ACTN2: variants seen among roughly 807,000 people sequenced by gnomAD.
ACTN2 encodes the protein actinin alpha 2.
Under a neutral mutation model 113.8 loss-of-function variants are expected in ACTN2, and 39 were observed. The observed-to-expected ratio is 0.34, with a 90% CI of 0.27 to 0.45. The LOEUF (loss-of-function observed/expected upper bound fraction) is 0.45. Among genes scored for constraint, ACTN2 ranks in the 20% least tolerant of loss-of-function variants. The pLI, the probability that ACTN2 is intolerant of heterozygous loss-of-function variation, is 1.00. For missense variants in ACTN2, 992 were observed against 1,177.9 expected, an observed-to-expected ratio of 0.84 and a Z score of 2.31; for synonymous variants, 429 against 444.1, an observed-to-expected ratio of 0.97 and a Z score of 0.43.
At chr1:236,736,566 A>G in intron 8 of ACTN2, 1 of 1,526,322 alleles carries the variant, frequency 6.6e-7, no homozygotes, top group Non-Finnish European at 8.8e-7. Flanking sequence ...AGGTTAGACA[A>G]AGTCTTAAAG....
chr1:236,748,721 A>G (rs188600441), intron 13 of ACTN2, among the ~76,000 whole-genome samples: 3 of 152,302 alleles, frequency 2.0e-5, no homozygotes, highest in African/African-American at 7.2e-5. Context: ...TTCTCTGCAC[A>G]TGTTGACTCT....
intron 1 of ACTN2, among the ~76,000 whole-genome samples, chr1:236,716,099 CTTT>C (rs74259944): frequency 2.6e-4 from 31 of 118,094 alleles, no homozygotes; most frequent in Middle Eastern, 4.9e-3. Context: ...CCTTCTTCTT[CTTT>C]TTTTTTTTTT....
At chr1:236,716,426 G>A (rs952181029) in intron 1 of ACTN2, among the ~76,000 whole-genome samples, 2 of 152,110 alleles carry the variant, frequency 1.3e-5, no homozygotes, top group African/African-American at 4.8e-5. Flanking sequence ...TCTGGTTTTG[G>A]CAGGAAATAG....
At chr1:236,744,503 C>T in intron 11 of ACTN2, 123 bp from the exon 12 acceptor site, 1 of 1,200,792 alleles carries the variant, frequency 8.3e-7, no homozygotes, top group Non-Finnish European at 1.2e-6. Flanking sequence ...ATCTTCAGTC[C>T]TGCCCCTCTC....
At chr1:236,726,642 T>C (rs1184102448) in intron 5 of ACTN2, among the ~76,000 whole-genome samples, 1 of 152,112 alleles carries the variant, frequency 6.6e-6, no homozygotes, top group East Asian at 1.9e-4. Flanking sequence ...AGGTTACCCA[T>C]GAATGCAAAA....
At chr1:236,707,641 T>G (rs1657866544) in intron 1 of ACTN2, among the ~76,000 whole-genome samples, 1 of 151,644 alleles carries the variant, frequency 6.6e-6, no homozygotes, top group African/African-American at 2.4e-5. Flanking sequence ...GCAAACTAAT[T>G]GAGTTAGATT....
At chr1:236,707,573 G>A (rs1055043806) in intron 1 of ACTN2, among the ~76,000 whole-genome samples, 7 of 151,794 alleles carry the variant, frequency 4.6e-5, no homozygotes, top group Non-Finnish European at 7.4e-5. Flanking sequence ...GCTCTTCTTT[G>A]TATTTCTATG....
In ACTN2 at chr1:236,757,740, G is replaced by C. The variant is rs1331012412; in HGVS notation, c.2301+108G>C. On this transcript the variant is annotated intron_variant, in intron 18 of 20. Transcript: ENST00000366578. ...GTCTTAAGGCTCCACAACATTTACA[G>C]GGAAACAGGATAGTTAATGACAAAA... 4.9e-6 allele frequency: 7 copies of C among 1,435,318 alleles called. No homozygotes were observed. In the South Asian group the frequency reaches 8.2e-5, roughly 17 times the overall value. The allele number at this position is 1,435,318 out of a possible 1,614,324, so 88.9% of individuals were successfully genotyped here. A position where few individuals can be genotyped will look rare whatever the true frequency, so the allele number is the denominator to read the frequency against.
intron 8 of ACTN2, chr1:236,736,485 C>A: frequency 1.0e-6 from 1 of 968,708 alleles, no homozygotes; most frequent in Non-Finnish European, 1.5e-6. Flanking sequence ...GGCGCTTTGC[C>A]ACTCCTGCCC....
intron 1 of ACTN2, among the ~76,000 whole-genome samples, chr1:236,702,966 T>G (rs1657720509): frequency 6.6e-6 from 1 of 152,152 alleles, no homozygotes; most frequent in Non-Finnish European, 1.5e-5. Flanking sequence ...TAAAGAATAT[T>G]TATTTTGCTG....
intron 1 of ACTN2, among the ~76,000 whole-genome samples, chr1:236,696,018 G>T (rs1214651939): frequency 1.3e-5 from 2 of 152,078 alleles, no homozygotes; most frequent in Non-Finnish European, 2.9e-5. Flanking sequence ...ATATGAGATT[G>T]TTTTGGGGCC....
chr1:236,689,268 T>C (rs1236030564), intron 1 of ACTN2, among the ~76,000 whole-genome samples: 1 of 148,180 alleles, frequency 6.7e-6, no homozygotes, highest in Non-Finnish European at 1.5e-5. Context: ...AACTCAAGGG[T>C]AGAAGAAAAA....
chr1:236,717,801 G>A (rs1368487054), intron 1 of ACTN2, 57 bp from the exon 2 acceptor site: 3 of 1,234,202 alleles, frequency 2.4e-6, no homozygotes, highest in African/African-American at 1.5e-5. Flanking sequence ...TCGTCTGTGA[G>A]GAAGGGATCT....
intron 7 of ACTN2, 112 bp downstream of exon 7, chr1:236,731,426 T>C: frequency 1.2e-6 from 1 of 806,108 alleles, no homozygotes. Flanking sequence ...CCGAAGTACT[T>C]TGGATTCCTA....
chr1:236,721,796 A>G (rs886977089), intron 4 of ACTN2, among the ~76,000 whole-genome samples: 5 of 152,186 alleles, frequency 3.3e-5, no homozygotes, highest in African/African-American at 1.2e-4. Flanking sequence ...TCCTTTTTCC[A>G]CAAATATTAC....
At chr1:236,703,501 A>C (rs1488464876) in intron 1 of ACTN2, among the ~76,000 whole-genome samples, 1 of 142,812 alleles carries the variant, frequency 7.0e-6, no homozygotes, top group Non-Finnish European at 1.5e-5. Flanking sequence ...TCTAAAGATA[A>C]TTTGATTTGG....
At chr1:236,695,514 A>G (rs1306046751) in intron 1 of ACTN2, among the ~76,000 whole-genome samples, 1 of 150,366 alleles carries the variant, frequency 6.7e-6, no homozygotes, top group East Asian at 1.9e-4. Context: ...ATTTGTCACC[A>G]TATTTATGAG....
chr1:236,696,666 A>ATTTT (rs34828949), intron 1 of ACTN2, among the ~76,000 whole-genome samples: 2 of 129,968 alleles, frequency 1.5e-5, no homozygotes, highest in African/African-American at 5.6e-5. Flanking sequence ...TTGTCCCACT[A>ATTTT]TTTTTTTTTT....
In ACTN2 at chr1:236,751,553, C is replaced by T. The variant is rs3738546; in HGVS notation, c.1740C>T (p.Asn580=). ...GERQSIMAIQ[N]EVEKVIQSYN... is the part of the protein sequence containing the mutation. ...GGCAGTCCATCATGGCCATCCAGAACGAGGTGGAGAAGGTGATTCAGAGCT... is the reference window on the plus strand; with the variant it reads ...GGCAGTCCATCATGGCCATCCAGAATGAGGTGGAGAAGGTGATTCAGAGCT... The change falls in exon 15 of 21, where the codon AAC becomes AAT. Residue 580 remains asparagine, a synonymous_variant. Transcript: ENST00000366578. 9.2e-5 allele frequency: 149 copies of T among 1,614,082 alleles called. 1 individual carries two copies. The East Asian group carries it at 3.0e-3, about 33-fold the overall frequency.
Sources: allele counts gnomAD v4.1 joint callset (sites outside exome capture counted in the v4.1 genomes callset), GRCh38; gene constraint gnomAD v4.1.1; transcripts MANE v1.5; gene names NCBI Gene and HGNC (gene_info 2026-07-23, HGNC 2026-07-21).